The following DCC variants were observed in gnomAD, a reference collection of about 807,000 sequenced individuals.
DCC encodes netrin receptor DCC.
DCC carries 58 observed loss-of-function variants against 172.5 expected under a neutral mutation model. That is an observed-to-expected ratio of 0.34 (90% CI 0.27 to 0.42). The LOEUF (loss-of-function observed/expected upper bound fraction) is 0.42. Among genes scored for constraint, DCC ranks in the 10% least tolerant of loss-of-function variants. DCC has a pLI of 1.00. For synonymous variants in DCC, 709 were observed against 644.5 expected (o/e 1.10, Z -1.52); for missense variants, 1,740 against 1,791.0 (o/e 0.97, Z 0.51).
At chr18:52,578,515 T>G (rs2144772288) in intron 1 of DCC, among the ~76,000 whole-genome samples, 1 of 152,310 alleles carries the variant, frequency 6.6e-6, no homozygotes, top group South Asian at 2.1e-4. Context: ...TGTATGAAAT[T>G]TTTGTCCTCT....
chr18:53,218,840 TTA>T (rs1171939964), intron 12 of DCC, among the ~76,000 whole-genome samples: 1 of 152,184 alleles, frequency 6.6e-6, no homozygotes, highest in Admixed American at 6.6e-5. Context: ...GATTCAGTTA[TTA>T]TATATTTCAA....
intron 14 of DCC, among the ~76,000 whole-genome samples, chr18:53,330,523 C>T (rs1443133009): frequency 6.6e-6 from 1 of 152,130 alleles, no homozygotes; most frequent in East Asian, 1.9e-4. Context: ...CCTGTTTGCT[C>T]TCCCTCCTCT....
chr18:53,249,454 A>G lies in DCC; in HGVS notation c.1911+33857A>G, dbSNP rs1051598755. On this transcript the variant is annotated intron_variant, in intron 12 of 28. Coordinates refer to ENST00000442544, the MANE Select transcript of DCC (RefSeq NM_005215.4). ...TTATGACAGATCAAGGGCTATGTCT[A>G]CGACCTCGGGGTAGTAGAAGTCTAT... Among the ~76,000 whole-genome samples, 4 of 151,930 alleles carry G rather than the reference A, an allele frequency of 2.6e-5. No individual in the cohort carries two copies. The East Asian group carries it at 7.7e-4, about 29-fold the overall frequency.
chr18:53,004,477 G>T (rs2041614772), intron 5 of DCC, among the ~76,000 whole-genome samples: 2 of 152,024 alleles, frequency 1.3e-5, no homozygotes, highest in African/African-American at 2.4e-5. Context: ...CACTTCTTTG[G>T]GTGGCAGAAT....
intron 5 of DCC, among the ~76,000 whole-genome samples, chr18:52,957,467 G>C (rs940332652): frequency 6.6e-6 from 1 of 152,100 alleles, no homozygotes; most frequent in African/African-American, 2.4e-5. Context: ...AGATGCAAGA[G>C]AAGAGTGTTT....
At chr18:53,108,799 AGTATACCATAATTTACTTATGC>A (rs1054655114) in intron 7 of DCC, among the ~76,000 whole-genome samples, 1 of 151,588 alleles carries the variant, frequency 6.6e-6, no homozygotes, top group African/African-American at 2.4e-5. Context: ...TCATGGTATC[AGTATACCATAATTTACTTATGC>A]GTTCTACCAA....
At chr18:53,317,555 T>G (rs2057358762) in intron 13 of DCC, among the ~76,000 whole-genome samples, 1 of 152,196 alleles carries the variant, frequency 6.6e-6, no homozygotes, top group South Asian at 2.1e-4. Flanking sequence ...GAAGGAATGG[T>G]GCCAGCTCAT....
At chr18:53,174,538 C>T (rs2055061075) in intron 8 of DCC, among the ~76,000 whole-genome samples, 1 of 150,376 alleles carries the variant, frequency 6.6e-6, no homozygotes, top group African/African-American at 2.4e-5. Flanking sequence ...TCAGAGAATA[C>T]TACAAACACC....
chr18:53,211,110 T>C (rs2055744222), intron 11 of DCC, among the ~76,000 whole-genome samples: 3 of 152,186 alleles, frequency 2.0e-5, no homozygotes, highest in Admixed American at 2.0e-4. Flanking sequence ...TTGTCCTGTG[T>C]CCAAATGCAG....
intron 5 of DCC, among the ~76,000 whole-genome samples, chr18:52,952,012 AATT>A (rs2040656191): frequency 6.6e-6 from 1 of 152,188 alleles, no homozygotes; most frequent in African/African-American, 2.4e-5. Flanking sequence ...ATGTAGATAA[AATT>A]ATTGTGAGGA....
At chr18:53,455,375 A>G (rs1430651574) in intron 23 of DCC, among the ~76,000 whole-genome samples, 1 of 152,204 alleles carries the variant, frequency 6.6e-6, no homozygotes, top group Non-Finnish European at 1.5e-5. Flanking sequence ...TAGAACTTCA[A>G]TGGACACAGT....
At chr18:52,651,275 C>T (rs932562261) in intron 1 of DCC, among the ~76,000 whole-genome samples, 2 of 152,154 alleles carry the variant, frequency 1.3e-5, no homozygotes, top group African/African-American at 4.8e-5. Context: ...TGATGCTCCT[C>T]CCTCAGTCTC....
chr18:52,876,053 C>A (rs2145393831), intron 2 of DCC, among the ~76,000 whole-genome samples: 1 of 152,084 alleles, frequency 6.6e-6, no homozygotes, highest in South Asian at 2.1e-4. Context: ...TCCTGCTGAT[C>A]TAGTATTTTG....
intron 3 of DCC, among the ~76,000 whole-genome samples, chr18:52,920,683 TTTAA>T (rs748847702): frequency 3.9e-5 from 6 of 152,126 alleles, no homozygotes; most frequent in African/African-American, 7.2e-5. Context: ...CTCCAATATA[TTTAA>T]TTGAGTTGAA....
rs2045373935 is a variant in DCC at position 53,449,124 on chromosome 18, A to T, written c.3230-1376A>T. ...TTTTGCTCAAGATGTATAGAAAATT[A>T]ATATAGGTTATTAAAGAAAAATAAT... On this transcript the variant is annotated intron_variant, in intron 22 of 28. Coordinates refer to ENST00000442544, the MANE Select transcript of DCC (RefSeq NM_005215.4). 2.0e-5 allele frequency among the ~76,000 whole-genome samples: 3 copies of T among 152,372 alleles called. No homozygotes were observed. The South Asian group carries it at 6.2e-4, about 32-fold the overall frequency.
intron 7 of DCC, among the ~76,000 whole-genome samples, chr18:53,145,402 C>T (rs1013539845): frequency 3.3e-5 from 5 of 152,006 alleles, no homozygotes; most frequent in African/African-American, 9.7e-5. Context: ...CATGAGCCAC[C>T]GCACCCAGCC....
intron 15 of DCC, 109 bp from the exon 16 acceptor site, chr18:53,385,934 A>G (rs536633372): frequency 1.3e-6 from 1 of 789,844 alleles, no homozygotes. Context: ...TTCTTAAACA[A>G]TTTACCAAGT....
chr18:53,041,339 T>C (rs1315751675), intron 5 of DCC, among the ~76,000 whole-genome samples: 1 of 152,078 alleles, frequency 6.6e-6, no homozygotes, highest in African/African-American at 2.4e-5. Context: ...TGGTGTTATT[T>C]CTGAAGCCTC....
At chr18:52,753,374 G>A (rs575308284) in intron 2 of DCC, among the ~76,000 whole-genome samples, 1 of 152,166 alleles carries the variant, frequency 6.6e-6, no homozygotes, top group Non-Finnish European at 1.5e-5. Context: ...GTAAAGTTAT[G>A]AGATTATTTT....
Sources: allele counts gnomAD v4.1 joint callset (sites outside exome capture counted in the v4.1 genomes callset), GRCh38; gene constraint gnomAD v4.1.1; transcripts MANE v1.5; gene names NCBI Gene and HGNC (gene_info 2026-07-23, HGNC 2026-07-21).